The following FMNL2 variants were observed in gnomAD, a reference collection of about 807,000 sequenced individuals.
The protein encoded by FMNL2 is formin-like protein 2.
FMNL2 carries 51 observed loss-of-function variants against 130.2 expected under a neutral mutation model. The observed-to-expected ratio is 0.39, with a 90% confidence interval of 0.31 to 0.49. FMNL2 has a LOEUF of 0.49. Among genes scored for constraint, FMNL2 ranks in the 20% least tolerant of loss-of-function variants. The pLI is 0.85. For missense variants in FMNL2, 977 were observed against 1,316.2 expected (o/e 0.74, Z 3.99); for synonymous variants, 465 against 467.1 (o/e 1.00, Z 0.06).
At position 152,649,139 on chromosome 2, in the gene FMNL2, T is replaced by A. The variant is rs1683863838; in HGVS notation, c.*1234T>A. ...AGTTTATTGTATAGTATTTAACCGCTGAAGTTCCTATTTTATGTTGTGCTT... is the reference window on the plus strand; with the variant it reads ...AGTTTATTGTATAGTATTTAACCGCAGAAGTTCCTATTTTATGTTGTGCTT... On this transcript the variant is annotated 3_prime_UTR_variant, in exon 26 of 26. Coordinates refer to ENST00000288670, the MANE Select transcript of FMNL2 (RefSeq NM_052905.4). The A allele has an allele frequency of 6.6e-6, 1 of 152,646 alleles. No individual in the cohort carries two copies. The highest frequency in any genetic ancestry group is 2.4e-5 in the African/African-American group (1 of 41,460). 9.5% of individuals were successfully genotyped at this position (152,646 alleles called of 1,614,324 possible).
chr2:152,627,556 T>A (rs761662142), intron 17 of FMNL2, among the ~76,000 whole-genome samples: 3 of 152,204 alleles, frequency 2.0e-5, no homozygotes, highest in Non-Finnish European at 4.4e-5. Context: ...CCTCCTACAG[T>A]CTGTTCTGAT....
chr2:152,607,146 A>C (rs996525569), intron 9 of FMNL2, among the ~76,000 whole-genome samples, 193 bp from the exon 10 acceptor site: 13 of 152,168 alleles, frequency 8.5e-5, no homozygotes, highest in African/African-American at 3.1e-4. Context: ...TCTGGAAAGG[A>C]AACCAAGATC....
At chr2:152,499,108 G>A (rs1439305609) in intron 1 of FMNL2, among the ~76,000 whole-genome samples, 1 of 152,178 alleles carries the variant, frequency 6.6e-6, no homozygotes, top group African/African-American at 2.4e-5. Flanking sequence ...TCTTCTCCGG[G>A]AGCTTGGTCA....
chr2:152,468,542 G>A (rs575866324), intron 1 of FMNL2, among the ~76,000 whole-genome samples: 116 of 152,122 alleles, frequency 7.6e-4, no homozygotes, highest in African/African-American at 2.7e-3. Flanking sequence ...TGTGCTGTAA[G>A]TAAAAATACA....
intron 1 of FMNL2, among the ~76,000 whole-genome samples, chr2:152,479,379 A>C (rs570700798): frequency 2.1e-4 from 32 of 152,274 alleles, no homozygotes; most frequent in East Asian, 1.9e-3. Context: ...TCCTGGGCTC[A>C]AGTCATCCTC....
At chr2:152,336,424 C>T (rs1681451115) in intron 1 of FMNL2, among the ~76,000 whole-genome samples, 1 of 152,200 alleles carries the variant, frequency 6.6e-6, no homozygotes, top group Non-Finnish European at 1.5e-5. Flanking sequence ...TGGAGTTTTG[C>T]GGGGACGTGT....
chr2:152,634,024 G>A (rs1170331170), intron 21 of FMNL2, among the ~76,000 whole-genome samples: 1 of 152,180 alleles, frequency 6.6e-6, no homozygotes, highest in South Asian at 2.1e-4. Context: ...GAGAATCAAG[G>A]ATGATAAGAC....
At chr2:152,338,181 G>A (rs1366956183) in intron 1 of FMNL2, among the ~76,000 whole-genome samples, 3 of 152,278 alleles carry the variant, frequency 2.0e-5, no homozygotes, top group Non-Finnish European at 2.9e-5. Flanking sequence ...GAGGGCAATG[G>A]AAATTGTGTT....
rs555956712 is a variant in FMNL2, at chr2:152,612,256, C to G, written c.1062+651C>G. ...AATGGTCTTGAAAAGGCTGATGGCT[C>G]ACACCTGTAATTCCAGCACTTTGGG... On this transcript the variant is annotated intron_variant, in intron 11 of 25. Transcript: ENST00000288670. Among the ~76,000 whole-genome samples, 3 of 152,312 alleles carry G rather than the reference C, an allele frequency of 2.0e-5. No homozygotes were observed. In the East Asian group the frequency reaches 5.8e-4, roughly 29 times the overall value.
chr2:152,428,005 A>G (rs1322058715), intron 1 of FMNL2, among the ~76,000 whole-genome samples: 1 of 152,226 alleles, frequency 6.6e-6, no homozygotes, highest in Non-Finnish European at 1.5e-5. Context: ...AACAGTATAT[A>G]ATGGAAACTT....
chr2:152,543,458 G>A (rs572551668), intron 3 of FMNL2, among the ~76,000 whole-genome samples: 2 of 152,246 alleles, frequency 1.3e-5, no homozygotes, highest in East Asian at 3.9e-4. Flanking sequence ...GATGTCTCAG[G>A]GCAGAGCTGT....
chr2:152,407,766 C>G (rs1686067252), intron 1 of FMNL2, among the ~76,000 whole-genome samples: 1 of 152,176 alleles, frequency 6.6e-6, no homozygotes, highest in South Asian at 2.1e-4. Context: ...AAGCAAACCT[C>G]TTTGTCTTCC....
chr2:152,398,117 T>C (rs888618463), intron 1 of FMNL2, among the ~76,000 whole-genome samples: 2 of 152,050 alleles, frequency 1.3e-5, no homozygotes, highest in Non-Finnish European at 2.9e-5. Flanking sequence ...AGAGTGAGAC[T>C]CCATCTCGAA....
At chr2:152,466,051 T>C (rs1305413542) in intron 1 of FMNL2, among the ~76,000 whole-genome samples, 1 of 152,234 alleles carries the variant, frequency 6.6e-6, no homozygotes, top group African/African-American at 2.4e-5. Context: ...CTAATCTTGA[T>C]TTTACCTTAA....
chr2:152,429,215 C>CAAAAAAAAA (rs3047928), intron 1 of FMNL2, among the ~76,000 whole-genome samples: 2 of 95,782 alleles, frequency 2.1e-5, no homozygotes, highest in Non-Finnish European at 2.6e-5. Context: ...CTTAGAGGAA[C>CAAAAAAAAA]AAAAAAAAAA....
rs756946747 is a variant in FMNL2, at chr2:152,335,437, G to A, written c.-167G>A. On this transcript the variant is annotated 5_prime_UTR_variant, in exon 1 of 26. Transcript: ENST00000288670. ...AGGCCGGGGGGCGGCTCGGCTTGGA[G>A]CGCTGCTAGGGAGCGGTGCGCGCCG... 94 of 354,770 alleles carry A rather than the reference G, an allele frequency of 2.6e-4. No individual in the cohort carries two copies. The highest frequency in any genetic ancestry group is 7.7e-4 in the Middle Eastern group (1 of 1,292). The allele number at this position is 354,770 out of a possible 1,614,324, so 22.0% of individuals were successfully genotyped here.
rs144447399 is a variant in FMNL2 at position 152,549,176 on chromosome 2, G to A, written c.359+79G>A. 745 of 993,374 alleles carry A rather than the reference G, an allele frequency of 7.5e-4. 2 individuals are homozygous for A. In the African/African-American group the frequency reaches 0.011, roughly 15 times the overall value. 61.5% of individuals were successfully genotyped at this position (993,374 alleles called of 1,614,324 possible). A position where few individuals can be genotyped will look rare whatever the true frequency, so the allele number is the denominator to read the frequency against. On this transcript the variant is annotated intron_variant, in intron 4 of 25. Transcript: ENST00000288670. ...GTAACTGAATCATACCCAAAGAATT[G>A]AGCTTCCTTATGGGCCATTATAAAT...
intron 6 of FMNL2, among the ~76,000 whole-genome samples, chr2:152,565,621 A>G (rs1016057187): frequency 6.6e-6 from 1 of 152,170 alleles, no homozygotes; most frequent in African/African-American, 2.4e-5. Flanking sequence ...GAATATGCCC[A>G]TAGTTTACAT....
chr2:152,488,629 T>A (rs772573364), intron 1 of FMNL2, among the ~76,000 whole-genome samples: 14 of 152,248 alleles, frequency 9.2e-5, no homozygotes, highest in Middle Eastern at 3.2e-3. Flanking sequence ...TATATATACC[T>A]GTGTGTATGT....
Sources: gnomAD v4.1 joint callset for allele counts (sites outside exome capture counted in the v4.1 genomes callset) on GRCh38, gnomAD v4.1.1 for gene constraint, MANE v1.5 for transcripts, NCBI Gene and HGNC (gene_info 2026-07-23, HGNC 2026-07-21) for gene names.